OLA1: variants seen among roughly 807,000 people sequenced by gnomAD.
The protein encoded by OLA1 is obg-like ATPase 1.
OLA1 carries 14 observed loss-of-function variants against 48.4 expected under a neutral mutation model. The observed-to-expected ratio is 0.29, with a 90% CI of 0.19 to 0.45. The LOEUF is 0.45. Among genes scored for constraint, OLA1 ranks in the 20% least tolerant of loss-of-function variants. The probability of loss-of-function intolerance (pLI) is 1.00; values close to 1 mark genes in which losing one functional copy is unlikely to be tolerated. For synonymous variants in OLA1, 127 were observed against 150.4 expected, an observed-to-expected ratio of 0.84 and a Z score of 1.14; for missense variants, 325 against 467.1, an observed-to-expected ratio of 0.70 and a Z score of 2.80.
chr2:174,144,452 C>T (rs1440319206), intron 4 of OLA1, among the ~76,000 whole-genome samples: 2 of 151,986 alleles, frequency 1.3e-5, no homozygotes, highest in Non-Finnish European at 2.9e-5. Context: ...AAATGGAATA[C>T]CCTAGAACGG....
intron 7 of OLA1, among the ~76,000 whole-genome samples, chr2:174,108,664 T>C (rs1474857968): frequency 3.9e-5 from 6 of 152,192 alleles, no homozygotes; most frequent in African/African-American, 1.2e-4. Flanking sequence ...AGTTACTTTT[T>C]ATAAATGCTG....
chr2:174,210,254 A>G (rs1460695970), intron 4 of OLA1, among the ~76,000 whole-genome samples: 2 of 152,194 alleles, frequency 1.3e-5, no homozygotes, highest in East Asian at 3.8e-4. Context: ...ACATATAATC[A>G]GGAGAAGAAA....
intron 2 of OLA1, among the ~76,000 whole-genome samples, chr2:174,234,045 C>T (rs2105459711): frequency 6.6e-6 from 1 of 151,880 alleles, no homozygotes; most frequent in East Asian, 1.9e-4. Context: ...AATGTGCCTG[C>T]CCCTCCTTCC....
At chr2:174,151,455 G>A (rs1309156404) in intron 4 of OLA1, among the ~76,000 whole-genome samples, 1 of 152,054 alleles carries the variant, frequency 6.6e-6, no homozygotes, top group Non-Finnish European at 1.5e-5. Flanking sequence ...TGTCCTACGC[G>A]TTAACAGTAA....
chr2:174,190,487 A>T (rs1574539641), intron 4 of OLA1, among the ~76,000 whole-genome samples: 1 of 151,962 alleles, frequency 6.6e-6, no homozygotes, highest in Non-Finnish European at 1.5e-5. Flanking sequence ...AAATACACAG[A>T]CCTATTTCCA....
chr2:174,163,736 A>G (rs1687078226), intron 4 of OLA1, among the ~76,000 whole-genome samples: 3 of 21,484 alleles, frequency 1.4e-4, no homozygotes, highest in South Asian at 1.8e-3. Flanking sequence ...ATATATATAT[A>G]TATATATATA....
chr2:174,077,510 G>A (rs1233071103), intron 10 of OLA1, among the ~76,000 whole-genome samples: 1 of 152,040 alleles, frequency 6.6e-6, no homozygotes, highest in African/African-American at 2.4e-5. Context: ...AGTTTTGGAG[G>A]TTAAAACAAC....
intron 5 of OLA1, among the ~76,000 whole-genome samples, chr2:174,129,002 C>T (rs1431260448): frequency 6.6e-6 from 1 of 152,090 alleles, no homozygotes; most frequent in Non-Finnish European, 1.5e-5. Context: ...GGTTCTAACA[C>T]TTTCTGGCTG....
At position 174,099,179 on chromosome 2, in the gene OLA1, C is replaced by T. The variant is rs1298396214; in HGVS notation, c.729-17115G>A. 6.7e-5 allele frequency among the ~76,000 whole-genome samples: 10 copies of T among 150,158 alleles called. No homozygotes were observed. In the South Asian group the frequency reaches 1.7e-3, roughly 25 times the overall value. ...TTATTTATTTTTTTTTTTTTTGAGA[C>T]GGAGTCTCGCTCTGTCACCAGGCTG... On this transcript the variant is annotated intron_variant, in intron 7 of 10. Coordinates refer to ENST00000284719, the MANE Select transcript of OLA1 (RefSeq NM_013341.5).
At chr2:174,165,462 C>T (rs1160398459) in intron 4 of OLA1, among the ~76,000 whole-genome samples, 5 of 152,182 alleles carry the variant, frequency 3.3e-5, no homozygotes. Flanking sequence ...TCAAAGGTTT[C>T]TTCGTTTCCA....
intron 7 of OLA1, among the ~76,000 whole-genome samples, chr2:174,086,264 G>A (rs1684974650): frequency 6.6e-6 from 1 of 152,116 alleles, no homozygotes; most frequent in Non-Finnish European, 1.5e-5. Context: ...TATTTTTCTA[G>A]TATCTGGTCA....
intron 4 of OLA1, among the ~76,000 whole-genome samples, chr2:174,211,584 C>T (rs1314622260): frequency 1.3e-5 from 2 of 152,062 alleles, no homozygotes; most frequent in East Asian, 3.8e-4. Context: ...ATTTAAAAAT[C>T]AGAATAATAC....
intron 7 of OLA1, among the ~76,000 whole-genome samples, chr2:174,089,650 C>G (rs1241193166): frequency 6.6e-6 from 1 of 151,934 alleles, no homozygotes; most frequent in African/African-American, 2.4e-5. Context: ...GCCTGTAATC[C>G]CAGGACTTTG....
intron 5 of OLA1, among the ~76,000 whole-genome samples, chr2:174,126,107 T>C (rs534524913): frequency 6.6e-6 from 1 of 152,234 alleles, no homozygotes; most frequent in East Asian, 1.9e-4. Flanking sequence ...CAATGTGCTC[T>C]TTTTCTTACA....
chr2:174,206,557 T>C (rs887829544), intron 4 of OLA1, among the ~76,000 whole-genome samples: 1 of 151,988 alleles, frequency 6.6e-6, no homozygotes, highest in Non-Finnish European at 1.5e-5. Flanking sequence ...AGAAAAGATA[T>C]TCCAGAAAAA....
chr2:174,178,590 G>A (rs1055397523), intron 4 of OLA1, among the ~76,000 whole-genome samples: 1 of 151,862 alleles, frequency 6.6e-6, no homozygotes, highest in Non-Finnish European at 1.5e-5. Context: ...TTCTGCATGC[G>A]TTATGTCAGC....
At chr2:174,223,229 C>T in intron 3 of OLA1, 69 bp from the exon 4 acceptor site, 3 of 1,396,266 alleles carry the variant, frequency 2.1e-6, no homozygotes, top group Admixed American at 3.6e-5. Context: ...AATGAATTCT[C>T]CAAACATTTC....
At chr2:174,126,100 T>C (rs1280805563) in intron 5 of OLA1, among the ~76,000 whole-genome samples, 1 of 152,236 alleles carries the variant, frequency 6.6e-6, no homozygotes, top group African/African-American at 2.4e-5. Flanking sequence ...ATAGTTTCAA[T>C]GTGCTCTTTT....
intron 4 of OLA1, among the ~76,000 whole-genome samples, chr2:174,178,685 C>A (rs548979247): frequency 1.3e-5 from 2 of 152,018 alleles, no homozygotes; most frequent in South Asian, 4.1e-4. Context: ...TATTCAACAT[C>A]TTTAACCTAA....
Sources: gnomAD v4.1 joint callset for allele counts (sites outside exome capture counted in the v4.1 genomes callset) on GRCh38, gnomAD v4.1.1 for gene constraint, MANE v1.5 for transcripts, NCBI Gene and HGNC (gene_info 2026-07-23, HGNC 2026-07-21) for gene names.